TMEM135: variants seen among roughly 807,000 people sequenced by gnomAD.
TMEM135 encodes transmembrane protein 135.
TMEM135 carries 30 observed loss-of-function variants against 60.3 expected under a neutral mutation model. The observed-to-expected ratio is 0.50, with a 90% CI of 0.37 to 0.68. The LOEUF (loss-of-function observed/expected upper bound fraction) is 0.68, where lower values mean the gene tolerates loss of function less well. TMEM135 is among the 30% of genes least tolerant of loss of function. The probability of loss-of-function intolerance (pLI) is 0.00; values close to 1 mark genes in which losing one functional copy is unlikely to be tolerated. For synonymous variants in TMEM135, 190 were observed against 186.7 expected (o/e 1.02, Z -0.14); for missense variants, 468 against 548.8 (o/e 0.85, Z 1.47).
At chr11:87,307,010 C>T (rs534972218) in intron 9 of TMEM135, among the ~76,000 whole-genome samples, 8 of 152,180 alleles carry the variant, frequency 5.3e-5, no homozygotes, top group African/African-American at 1.7e-4. Flanking sequence ...TGAACCACCG[C>T]GCCCGGCCAA....
chr11:87,318,092 C>G (rs776074096), intron 12 of TMEM135, 45 bp from the exon 13 acceptor site: 2 of 1,467,876 alleles, frequency 1.4e-6, no homozygotes, highest in African/African-American at 2.8e-5. Flanking sequence ...GTTTTTAATG[C>G]TGAGGTTTTT....
At chr11:87,200,666 G>A (rs1940073413) in intron 5 of TMEM135, among the ~76,000 whole-genome samples, 1 of 152,104 alleles carries the variant, frequency 6.6e-6, no homozygotes, top group Non-Finnish European at 1.5e-5. Flanking sequence ...TCTTGGTATT[G>A]TATCTTCTGT....
At chr11:87,140,725 C>T (rs1432342790) in intron 4 of TMEM135, among the ~76,000 whole-genome samples, 2 of 152,112 alleles carry the variant, frequency 1.3e-5, no homozygotes, top group Non-Finnish European at 2.9e-5. Context: ...TAAATGTTTT[C>T]TCCAGTGTTT....
chr11:87,191,243 A>AT (rs10639049), intron 5 of TMEM135, among the ~76,000 whole-genome samples: 20,846 of 145,450 alleles, frequency 0.14, 1,724 homozygotes, highest in African/African-American at 0.24. Flanking sequence ...CTTTGGCAGT[A>AT]TTTTTTTTTT....
At chr11:87,098,403 TA>T (rs34493003) in intron 4 of TMEM135, among the ~76,000 whole-genome samples, 83,169 of 151,878 alleles carry the variant, frequency 0.55, 23,582 homozygotes, top group East Asian at 0.7. Context: ...TTGACTGCAT[TA>T]ATGTTGTATT....
chr11:87,044,200 A>G (rs535491150), intron 1 of TMEM135, among the ~76,000 whole-genome samples: 2 of 152,216 alleles, frequency 1.3e-5, no homozygotes, highest in South Asian at 4.1e-4. Context: ...CATTTAAGCC[A>G]GAGTTGAAAT....
intron 4 of TMEM135, among the ~76,000 whole-genome samples, chr11:87,147,601 T>C (rs1269954793): frequency 6.6e-6 from 1 of 152,210 alleles, no homozygotes; most frequent in Non-Finnish European, 1.5e-5. Flanking sequence ...ACTGCTGTTA[T>C]CACCTCAGCA....
At chr11:87,126,246 T>A (rs1432600806) in intron 4 of TMEM135, among the ~76,000 whole-genome samples, 1 of 152,156 alleles carries the variant, frequency 6.6e-6, no homozygotes, top group Non-Finnish European at 1.5e-5. Flanking sequence ...TATAATAATA[T>A]TTATCAGTAG....
intron 6 of TMEM135, among the ~76,000 whole-genome samples, chr11:87,280,557 C>T (rs1461933275): frequency 1.3e-5 from 2 of 152,064 alleles, no homozygotes; most frequent in Non-Finnish European, 2.9e-5. Context: ...TTTTATAGCA[C>T]CTTAAATGTC....
At chr11:87,239,783 G>C (rs572451310) in intron 6 of TMEM135, among the ~76,000 whole-genome samples, 1 of 151,408 alleles carries the variant, frequency 6.6e-6, no homozygotes. Flanking sequence ...AACTTGAGAA[G>C]TAGTTTCATA....
At chr11:87,079,060 C>T (rs549503438) in intron 3 of TMEM135, among the ~76,000 whole-genome samples, 20 of 152,226 alleles carry the variant, frequency 1.3e-4, no homozygotes, top group Middle Eastern at 3.4e-3. Flanking sequence ...CACTGGAGTG[C>T]AGTGGCATGA....
At chr11:87,113,194 A>C (rs1290060849) in intron 4 of TMEM135, among the ~76,000 whole-genome samples, 1 of 152,138 alleles carries the variant, frequency 6.6e-6, no homozygotes, top group African/African-American at 2.4e-5. Context: ...AAGATAGTTC[A>C]CATTGTAATT....
chr11:87,089,083 A>G (rs1226596670), intron 3 of TMEM135, among the ~76,000 whole-genome samples: 1 of 152,246 alleles, frequency 6.6e-6, no homozygotes, highest in Non-Finnish European at 1.5e-5. Context: ...TATATGAAAC[A>G]TAAATGAATT....
intron 4 of TMEM135, among the ~76,000 whole-genome samples, chr11:87,102,396 T>C (rs1857476960): frequency 6.6e-6 from 1 of 152,148 alleles, no homozygotes; most frequent in African/African-American, 2.4e-5. Flanking sequence ...GAGATGCATA[T>C]GGCAAGATAT....
chr11:87,295,976 C>T (rs901777780), intron 7 of TMEM135, among the ~76,000 whole-genome samples, 153 bp downstream of exon 7: 1 of 152,134 alleles, frequency 6.6e-6, no homozygotes, highest in Non-Finnish European at 1.5e-5. Flanking sequence ...ATAAATAGCT[C>T]ATTGAAAGAG....
chr11:87,204,038 CT>C (rs931140378), intron 5 of TMEM135, among the ~76,000 whole-genome samples: 4 of 150,854 alleles, frequency 2.7e-5, no homozygotes, highest in South Asian at 2.1e-4. Context: ...TAGAATTATC[CT>C]TTTTTTTTCA....
In TMEM135 at chr11:87,224,317, T is replaced by C. The variant is rs151040765; in HGVS notation, c.463-12321T>C. 2.4e-3 allele frequency among the ~76,000 whole-genome samples: 369 copies of C among 152,324 alleles called. 1 individual carries two copies. Among genetic ancestry groups the C allele is most frequent in the African/African-American group, 8.4e-3 (350 of 41,584 alleles). ...CTTTTGTCCACAAAACCTTGTAGTT[T>C]AGTGAAGTAGTGAGTGAGTGCTATC... On this transcript the variant is annotated intron_variant, in intron 5 of 14. Coordinates refer to ENST00000305494, the MANE Select transcript of TMEM135 (RefSeq NM_022918.4).
intron 4 of TMEM135, among the ~76,000 whole-genome samples, chr11:87,124,694 T>C (rs755721615): frequency 2.0e-5 from 3 of 152,338 alleles, no homozygotes; most frequent in Middle Eastern, 3.4e-3. Flanking sequence ...ATCTTTCCTC[T>C]ATGTTAGGTT....
At chr11:87,317,478 G>A (rs536143473) in intron 12 of TMEM135, among the ~76,000 whole-genome samples, 51 of 152,098 alleles carry the variant, frequency 3.4e-4, no homozygotes, top group Non-Finnish European at 5.7e-4. Flanking sequence ...TTAATCCTCA[G>A]TATATACTTT....
Sources: gnomAD v4.1 joint callset for allele counts (sites outside exome capture counted in the v4.1 genomes callset) on GRCh38, gnomAD v4.1.1 for gene constraint, MANE v1.5 for transcripts, NCBI Gene and HGNC (gene_info 2026-07-23, HGNC 2026-07-21) for gene names.